SPATA13: variants seen among roughly 807,000 people sequenced by gnomAD.
The protein encoded by SPATA13 is spermatogenesis-associated protein 13.
Under a neutral mutation model 104.0 loss-of-function variants are expected in SPATA13, and 50 were observed. That is an observed-to-expected ratio of 0.48 (90% CI 0.38 to 0.61). The LOEUF is 0.61. SPATA13 is among the 20% of genes least tolerant of loss of function. SPATA13 has a pLI of 0.00. For synonymous variants in SPATA13, 606 were observed against 667.5 expected (o/e 0.91, Z 1.42); for missense variants, 1,524 against 1,690.6 (o/e 0.90, Z 1.73).
At chr13:24,210,766 G>GTTTTTTTTTTT (rs58789886) in intron 1 of SPATA13, among the ~76,000 whole-genome samples, 3 of 137,444 alleles carry the variant, frequency 2.2e-5, no homozygotes, top group Non-Finnish European at 3.1e-5. Context: ...GAATTTTAGG[G>GTTTTTTTTTTT]TTTTTTTTTT....
intron 3 of SPATA13, among the ~76,000 whole-genome samples, chr13:24,149,555 C>G (rs1448933802): frequency 6.6e-6 from 1 of 152,174 alleles, no homozygotes; most frequent in East Asian, 1.9e-4. Flanking sequence ...AGTTCTGCTG[C>G]CACTTTTTCA....
intron 3 of SPATA13, among the ~76,000 whole-genome samples, chr13:24,131,792 C>T (rs1881395577): frequency 6.6e-6 from 1 of 152,108 alleles, no homozygotes; most frequent in Non-Finnish European, 1.5e-5. Context: ...GGGGTGGCAA[C>T]TGGGAAGAGA....
rs779717300 is a variant in SPATA13 at position 24,251,807 on chromosome 13, C to T, written c.2109C>T (p.Ser703=). The change falls in exon 4 of 13, where the codon AGC becomes AGT. Residue 703 remains serine, a synonymous_variant. Coordinates refer to ENST00000382108, the MANE Select transcript of SPATA13 (RefSeq NM_001166271.3). The part of the protein sequence containing the change: ...ARFRPFTFSQ[S]TPIGLDRVGR... ...TCCGGCCCTTCACATTCTCCCAGAGCACCCCCATTGGGTTGGACCGTGTGG... is the reference window on the plus strand; with the variant it reads ...TCCGGCCCTTCACATTCTCCCAGAGTACCCCCATTGGGTTGGACCGTGTGG... 2.5e-6 allele frequency: 4 copies of T among 1,614,088 alleles called. No homozygotes were observed. The highest frequency in any genetic ancestry group is 1.7e-5 in the Admixed American group (1 of 60,008).
intron 2 of SPATA13, among the ~76,000 whole-genome samples, chr13:24,231,989 A>T (rs1872303393): frequency 6.6e-6 from 1 of 152,154 alleles, no homozygotes; most frequent in Admixed American, 6.5e-5. Context: ...AGGTTTCTTT[A>T]TATTTCCTGG....
At chr13:24,099,445 C>T (rs1312076099) in intron 3 of SPATA13, among the ~76,000 whole-genome samples, 1 of 152,210 alleles carries the variant, frequency 6.6e-6, no homozygotes, top group African/African-American at 2.4e-5. Context: ...CATTCCAAGT[C>T]GTCAGTGGCC....
At chr13:24,174,734 G>A (rs536175127) in intron 1 of SPATA13, among the ~76,000 whole-genome samples, 133 of 152,140 alleles carry the variant, frequency 8.7e-4, no homozygotes, top group African/African-American at 2.8e-3. Context: ...GTGTCACCAC[G>A]CCTGGCTAAT....
intron 2 of SPATA13, among the ~76,000 whole-genome samples, chr13:23,986,420 T>A (rs748676220): frequency 6.6e-6 from 1 of 152,204 alleles, no homozygotes; most frequent in African/African-American, 2.4e-5. Flanking sequence ...ATGTGTTATC[T>A]GCAGGAAGAG....
At chr13:24,296,123 T>A (rs1876764239) in intron 10 of SPATA13, among the ~76,000 whole-genome samples, 1 of 152,230 alleles carries the variant, frequency 6.6e-6, no homozygotes, top group Non-Finnish European at 1.5e-5. Flanking sequence ...GGTTTTTAAC[T>A]GAAATAGGCT....
intron 3 of SPATA13, among the ~76,000 whole-genome samples, chr13:24,022,555 G>A (rs571292010): frequency 3.2e-4 from 49 of 152,292 alleles, no homozygotes; most frequent in African/African-American, 1.1e-3. Flanking sequence ...GTGTGAAAAT[G>A]TACTTTACTG....
At chr13:24,121,707 G>C (rs1881034807) in intron 3 of SPATA13, among the ~76,000 whole-genome samples, 1 of 152,162 alleles carries the variant, frequency 6.6e-6, no homozygotes, top group South Asian at 2.1e-4. Flanking sequence ...AAATAGTCCT[G>C]TAGCCCTTGC....
rs542146642 is a variant in SPATA13, at chr13:24,263,776, A to G, written c.2164+11914A>G. Among the ~76,000 whole-genome samples, 294 of 152,338 alleles carry G rather than the reference A, an allele frequency of 1.9e-3. 2 individuals are homozygous for G. The highest frequency in any genetic ancestry group is 6.7e-3 in the African/African-American group (279 of 41,586). ...GATGTGTAACCCACAGATACGGAGG[A>G]CCAACTGTGTTTACTTACAAAACGA... On this transcript the variant is annotated intron_variant, in intron 4 of 12. Transcript: ENST00000382108.
intron 3 of SPATA13, among the ~76,000 whole-genome samples, chr13:24,068,229 G>C (rs943385025): frequency 2.6e-5 from 4 of 152,074 alleles, no homozygotes; most frequent in African/African-American, 9.7e-5. Flanking sequence ...TCCTGATTTA[G>C]CTCCCCCTTA....
chr13:24,023,609 A>G (rs1877079622), intron 3 of SPATA13, among the ~76,000 whole-genome samples: 1 of 152,144 alleles, frequency 6.6e-6, no homozygotes. Context: ...ATGATCCTAG[A>G]TTATCTAGAA....
chr13:24,292,794 T>C (rs1361946182), intron 9 of SPATA13, among the ~76,000 whole-genome samples: 1 of 151,898 alleles, frequency 6.6e-6, no homozygotes, highest in African/African-American at 2.4e-5. Context: ...GGTCAGGAGT[T>C]TGAGACCAGC....
chr13:23,980,540 T>A (rs1874836237), intron 1 of SPATA13, among the ~76,000 whole-genome samples: 1 of 152,216 alleles, frequency 6.6e-6, no homozygotes, highest in African/African-American at 2.4e-5. Context: ...ATATTTGGAT[T>A]GTGGTGTTAT....
intron 1 of SPATA13, among the ~76,000 whole-genome samples, chr13:24,206,707 C>A (rs535696336): frequency 6.6e-6 from 1 of 152,076 alleles, no homozygotes. Context: ...GCCTGGCTAA[C>A]GTGGTAAAAC....
In SPATA13 at chr13:24,286,814, G is replaced by C. The variant is rs9580914; in HGVS notation, c.2531G>C (p.Ser844Thr). 6.2e-7 allele frequency: 1 copy of C among 1,613,690 alleles called. No individual in the cohort carries two copies. The highest frequency in any genetic ancestry group is 8.5e-7 in the Non-Finnish European group (1 of 1,179,994). The stretch of plus-strand genomic sequence containing the variant: ...TCGGAAAACTCCAGCAGCACCCCCA[G>C]TGAGGAGCAGGACGAGGAGGCCAGC... ...ELSENSSSTP[S>T]EEQDEEASQS... The change falls in exon 7 of 13, where the codon AGT becomes ACT. Residue 844 changes from serine (S) to threonine (T), a missense_variant. Physicochemically the swap from Ser to Thr is moderately conservative, Grantham distance 58. Coordinates refer to ENST00000382108, the MANE Select transcript of SPATA13 (RefSeq NM_001166271.3). The surrounding 1 kb of genome is among the most constrained non-coding windows in gnomAD (Gnocchi z 4.9).
At chr13:24,174,470 A>T (rs1351986877) in intron 1 of SPATA13, among the ~76,000 whole-genome samples, 1 of 151,722 alleles carries the variant, frequency 6.6e-6, no homozygotes, top group Non-Finnish European at 1.5e-5. Context: ...TCGTGCTATC[A>T]GTTTCCCTCA....
intron 3 of SPATA13, among the ~76,000 whole-genome samples, chr13:24,114,904 C>T (rs940137207): frequency 1.2e-4 from 18 of 152,142 alleles, no homozygotes; most frequent in Non-Finnish European, 2.1e-4. Flanking sequence ...TCTGGTGATC[C>T]GCCCACCTCG....
Sources: gnomAD v4.1 joint callset for allele counts (sites outside exome capture counted in the v4.1 genomes callset) on GRCh38, gnomAD v4.1.1 for gene constraint, Gnocchi (gnomAD v3.1) non-coding constraint, MANE v1.5 for transcripts, NCBI Gene and HGNC (gene_info 2026-07-23, HGNC 2026-07-21) for gene names.